The following MAP3K10 variants were observed in gnomAD, a reference collection of about 807,000 sequenced individuals.
MAP3K10 encodes MKN28 derived nonreceptor_type serine/threonine kinase.
A neutral mutation model predicts 75.0 loss-of-function variants in MAP3K10; 22 were observed. That is an observed-to-expected ratio of 0.29 (90% CI 0.21 to 0.42). The LOEUF is 0.42. Ranked by LOEUF, MAP3K10 falls within the 10% of genes least tolerant of loss-of-function variation. The pLI is 1.00. For synonymous variants in MAP3K10, 599 were observed against 612.9 expected (o/e 0.98, Z 0.34); for missense variants, 1,165 against 1,379.8 (o/e 0.84, Z 2.47).
chr19:40,205,815 T>C lies in MAP3K10; in HGVS notation c.1189-96T>C. 7.6e-7 allele frequency: 1 copy of C among 1,318,718 alleles called. No homozygotes were observed. Among genetic ancestry groups the C allele is most frequent in the Non-Finnish European group, 1.0e-6 (1 of 992,796 alleles). The allele number at this position is 1,318,718 out of a possible 1,614,324, so 81.7% of individuals were successfully genotyped here. ...AGTGTACCCCACAGCAAGGTACCCT[T>C]GTGTGAGGCACCAACCAGACGCAGC... On this transcript the variant is annotated intron_variant, in intron 4 of 9. Transcript: ENST00000253055. The surrounding 1 kb of genome is among the most constrained non-coding windows in gnomAD (Gnocchi z 4.3).
rs188992252 is a variant in MAP3K10, at chr19:40,204,040, G to A, written c.864-445G>A. Among the ~76,000 whole-genome samples, 2 of 152,300 alleles carry A rather than the reference G, an allele frequency of 1.3e-5. No homozygotes were observed. Among genetic ancestry groups the A allele is most frequent in the Non-Finnish European group, 2.9e-5 (2 of 68,026 alleles). On this transcript the variant is annotated intron_variant, in intron 2 of 9. Transcript: ENST00000253055. The surrounding 1 kb of genome is among the most constrained non-coding windows in gnomAD (Gnocchi z 4.3). ...AGTGTTTGGAAGTGAGGCTGCAGGGGTCATCAAAGGCCAGGGCCAAGAAGG... is the reference window on the plus strand; with the variant it reads ...AGTGTTTGGAAGTGAGGCTGCAGGGATCATCAAAGGCCAGGGCCAAGAAGG...
At position 40,215,356 on chromosome 19, in the gene MAP3K10, C is replaced by T. The variant is rs957468605; in HGVS notation, c.*64C>T. On this transcript the variant is annotated 3_prime_UTR_variant, in exon 10 of 10. Coordinates refer to ENST00000253055, the MANE Select transcript of MAP3K10 (RefSeq NM_002446.4). ...TAGCGCCCCAGGCCCTGCCCCAGCC[C>T]GCCATGCCACAAGGTGGGGGAGGCC... 6 of 1,424,334 alleles carry T rather than the reference C, an allele frequency of 4.2e-6. No homozygotes were observed. Among genetic ancestry groups the T allele is most frequent in the East Asian group, 2.5e-5 (1 of 39,810 alleles). The allele number at this position is 1,424,334 out of a possible 1,614,324, so 88.2% of individuals were successfully genotyped here. A position where few individuals can be genotyped will look rare whatever the true frequency, so the allele number is the denominator to read the frequency against.
At chr19:40,211,317 CT>C (rs57347451) in intron 6 of MAP3K10, among the ~76,000 whole-genome samples, 87,907 of 133,196 alleles carry the variant, frequency 0.66, 28,635 homozygotes, top group South Asian at 0.73. Flanking sequence ...ATTTTCCTTT[CT>C]TTTTTTTTTT....
At chr19:40,200,024 G>A (rs1187142334) in intron 2 of MAP3K10, among the ~76,000 whole-genome samples, 3 of 152,036 alleles carry the variant, frequency 2.0e-5, no homozygotes, top group Non-Finnish European at 4.4e-5. Context: ...GCCAGGCGCG[G>A]TGGCTCACGC....
intron 1 of MAP3K10, among the ~76,000 whole-genome samples, chr19:40,193,248 G>T (rs1363655282): frequency 1.3e-5 from 2 of 152,192 alleles, no homozygotes; most frequent in Non-Finnish European, 2.9e-5. Context: ...ACAACCAAAA[G>T]TGTCTCCAGG....
chr19:40,208,341 C>CTTTCTTTTTTTTTTTT (rs1973162886), intron 5 of MAP3K10, among the ~76,000 whole-genome samples: 1 of 62,932 alleles, frequency 1.6e-5, no homozygotes, highest in African/African-American at 5.6e-5. Context: ...CTGGCTCTTT[C>CTTTCTTTTTTTTTTTT]TTTCTTTTTT....
At position 40,205,639 on chromosome 19, in the gene MAP3K10, C is replaced by T. The variant is rs188423495; in HGVS notation, c.1189-272C>T. 103 of 520,714 alleles carry T rather than the reference C, an allele frequency of 2.0e-4. No individual in the cohort carries two copies. Among genetic ancestry groups the T allele is most frequent in the Admixed American group, 6.4e-4 (18 of 28,062 alleles). 32.3% of individuals were successfully genotyped at this position (520,714 alleles called of 1,614,324 possible). On this transcript the variant is annotated intron_variant, in intron 4 of 9. Coordinates refer to ENST00000253055, the MANE Select transcript of MAP3K10 (RefSeq NM_002446.4). This position sits in a 1 kb window ranked among gnomAD's most constrained non-coding sequence, Gnocchi z 4.3. ...TGGATGATGGGTACAGGGGGGTGCA[C>T]TGTTCTCTGCTTTTGTGGATGTTTG...
At position 40,192,562 on chromosome 19, in the gene MAP3K10, C is replaced by T. The variant is rs1196827313; in HGVS notation, c.531C>T (p.Ala177=). Residue 177 remains alanine (A), a synonymous_variant, in exon 1 of 10, where the codon GCC becomes GCT. Transcript: ENST00000253055. This position sits in a 1 kb window ranked among gnomAD's most constrained non-coding sequence, Gnocchi z 7.1. ...PPHLCLVMEY[A]RGGALSRVLA... is the part of the protein sequence containing the mutation. Reference sequence around the variant, plus strand: ...ACCTCTGCCTAGTGATGGAGTATGCCCGGGGTGGTGCACTGAGCAGGGTGC... The same window carrying T: ...ACCTCTGCCTAGTGATGGAGTATGCTCGGGGTGGTGCACTGAGCAGGGTGC... The T allele has an allele frequency of 1.9e-6, 3 of 1,613,330 alleles. No individual in the cohort carries two copies. In the Admixed American group the frequency reaches 5.0e-5, roughly 27 times the overall value.
At chr19:40,197,993 A>G (rs1016022065) in intron 1 of MAP3K10, among the ~76,000 whole-genome samples, 1 of 151,896 alleles carries the variant, frequency 6.6e-6, no homozygotes, top group South Asian at 2.1e-4. Context: ...CACCACACCC[A>G]GGTATTTTTA....
chr19:40,207,166 A>T (rs905747617), intron 5 of MAP3K10, among the ~76,000 whole-genome samples: 37 of 152,296 alleles, frequency 2.4e-4, no homozygotes, highest in African/African-American at 8.7e-4. Context: ...CAAAAACAGA[A>T]GTTTCACATG....
chr19:40,205,367 G>A lies in MAP3K10; in HGVS notation c.1188+71G>A. 5 of 1,530,908 alleles carry A rather than the reference G, an allele frequency of 3.3e-6. No individual in the cohort carries two copies. The highest frequency in any genetic ancestry group is 4.5e-6 in the Non-Finnish European group (5 of 1,115,352). The allele number at this position is 1,530,908 out of a possible 1,614,324, so 94.8% of individuals were successfully genotyped here. ...GTTCTGATGCCTTGGGCTGCTCAGA[G>A]ACTCCTCCCCTGAACCCCAGCCTTT... is the stretch of plus-strand genomic sequence containing the variant. On this transcript the variant is annotated intron_variant, in intron 4 of 9. Transcript: ENST00000253055. This position sits in a 1 kb window ranked among gnomAD's most constrained non-coding sequence, Gnocchi z 4.3.
In MAP3K10 at chr19:40,205,943, G is replaced by C. The variant is rs753088988; in HGVS notation, c.1221G>C (p.Arg407=). 1 of 1,594,206 alleles carries C rather than the reference G, an allele frequency of 6.3e-7. No individual in the cohort carries two copies. The highest frequency in any genetic ancestry group is 8.6e-7 in the Non-Finnish European group (1 of 1,169,570). Residue 407 remains arginine, a synonymous_variant, in exon 5 of 10, where the codon CGG becomes CGC. Transcript: ENST00000253055. This position sits in a 1 kb window ranked among gnomAD's most constrained non-coding sequence, Gnocchi z 4.3. ...ELRSREEELL[R]AAQEQRFQEE... ...GGAGCCGTGAGGAGGAGCTGCTGCGGGCGGCACAGGAGCAGCGCTTCCAGG... is the reference window on the plus strand; with the variant it reads ...GGAGCCGTGAGGAGGAGCTGCTGCGCGCGGCACAGGAGCAGCGCTTCCAGG...
At position 40,205,049 on chromosome 19, in the gene MAP3K10, C is replaced by G; in HGVS notation, c.1013-72C>G. The G allele has an allele frequency of 7.2e-7, 1 of 1,387,452 alleles. No homozygotes were observed. Among genetic ancestry groups the G allele is most frequent in the Non-Finnish European group, 1.0e-6 (1 of 983,674 alleles). 85.9% of individuals were successfully genotyped at this position (1,387,452 alleles called of 1,614,324 possible). ...CCCAGAAATTCTGCCTTCCTCTGAG[C>G]AGGCTGAGTCCCCAGAGCATGACCA... On this transcript the variant is annotated intron_variant, in intron 3 of 9. Transcript: ENST00000253055. This position sits in a 1 kb window ranked among gnomAD's most constrained non-coding sequence, Gnocchi z 4.3.
chr19:40,192,923 C>T lies in MAP3K10; in HGVS notation c.682+210C>T, dbSNP rs1004148711. On this transcript the variant is annotated intron_variant, in intron 1 of 9. Transcript: ENST00000253055. This position sits in a 1 kb window ranked among gnomAD's most constrained non-coding sequence, Gnocchi z 7.1. ...CAGAAAGGTTGAAGGACTTACCTGCCTCCCAGGCTGCAGAGTCACAATCGC... is the reference window on the plus strand; with the variant it reads ...CAGAAAGGTTGAAGGACTTACCTGCTTCCCAGGCTGCAGAGTCACAATCGC... 1.3e-5 allele frequency among the ~76,000 whole-genome samples: 2 copies of T among 152,184 alleles called. No homozygotes were observed. Among genetic ancestry groups the T allele is most frequent in the African/African-American group, 4.8e-5 (2 of 41,444 alleles).
Position 40,205,215 on chromosome 19 carries a change from A to T in MAP3K10, c.1107A>T (p.Pro369=), listed in dbSNP as rs1361627194. The stretch of plus-strand genomic sequence containing the variant: ...AACAGTCAGCCCTGTTCCAGATGCC[A>T]CTGGAGTCCTTCCACTCGCTGCAGG... ...VIEQSALFQM[P]LESFHSLQED... is the part of the protein sequence containing the mutation. The change falls in exon 4 of 10, where the codon CCA becomes CCT. Residue 369 remains proline, a synonymous_variant. Transcript: ENST00000253055. This position sits in a 1 kb window ranked among gnomAD's most constrained non-coding sequence, Gnocchi z 4.3. The T allele has an allele frequency of 6.2e-7, 1 of 1,613,940 alleles. No individual in the cohort carries two copies. The highest frequency in any genetic ancestry group is 8.5e-7 in the Non-Finnish European group (1 of 1,179,972).
intron 6 of MAP3K10, among the ~76,000 whole-genome samples, chr19:40,209,695 T>G (rs1028255280): frequency 6.6e-6 from 1 of 152,050 alleles, no homozygotes; most frequent in Non-Finnish European, 1.5e-5. Context: ...GATTACAGCA[T>G]GAGCCACCGC....
intron 6 of MAP3K10, 93 bp downstream of exon 6, chr19:40,209,312 A>G: frequency 1.1e-6 from 1 of 906,594 alleles, no homozygotes; most frequent in South Asian, 1.6e-5. Context: ...CCAGAGTAAC[A>G]GCAAGAAAGA....
chr19:40,208,502 C>T (rs912108195), intron 5 of MAP3K10, among the ~76,000 whole-genome samples: 3 of 149,826 alleles, frequency 2.0e-5, no homozygotes, highest in African/African-American at 7.3e-5. Context: ...AGCCCCCATA[C>T]CTGTTTTTAA....
chr19:40,193,275 TG>T (rs1484167604), intron 1 of MAP3K10, among the ~76,000 whole-genome samples: 4 of 152,322 alleles, frequency 2.6e-5, no homozygotes, highest in South Asian at 4.1e-4. Context: ...AAATGTCCCC[TG>T]GGGGGCAGAA....
Sources: allele counts gnomAD v4.1 joint callset (sites outside exome capture counted in the v4.1 genomes callset), GRCh38; gene constraint gnomAD v4.1.1; non-coding constraint Gnocchi (gnomAD v3.1); transcripts MANE v1.5; gene names NCBI Gene and HGNC (gene_info 2026-07-23, HGNC 2026-07-21).